The following LARGE1 variants were observed in gnomAD, a reference collection of about 807,000 sequenced individuals.
The protein encoded by LARGE1 is xylosyl- and glucuronyltransferase LARGE1.
In LARGE1, 43 loss-of-function variants were observed where a neutral mutation model predicts 87.6. That is an observed-to-expected ratio of 0.49 (90% CI 0.38 to 0.63). The LOEUF (loss-of-function observed/expected upper bound fraction) is 0.63, where lower values mean the gene tolerates loss of function less well. Among genes scored for constraint, LARGE1 ranks in the 30% least tolerant of loss-of-function variants. The pLI is 0.00. For missense variants in LARGE1, 802 were observed against 1,000.2 expected, an observed-to-expected ratio of 0.80 and a Z score of 2.67; for synonymous variants, 434 against 394.6, an observed-to-expected ratio of 1.10 and a Z score of -1.18.
intron 2 of LARGE1, among the ~76,000 whole-genome samples, chr22:33,730,194 G>A (rs2083415727): frequency 6.6e-6 from 1 of 152,000 alleles, no homozygotes; most frequent in Non-Finnish European, 1.5e-5. Context: ...CCTCTATGAT[G>A]ATCTGCTTCT....
chr22:33,643,800 T>C (rs969168032), intron 3 of LARGE1, among the ~76,000 whole-genome samples: 6 of 152,090 alleles, frequency 3.9e-5, no homozygotes, highest in Non-Finnish European at 7.4e-5. Flanking sequence ...ACAAATAAAC[T>C]AGGAAATCTA....
At chr22:33,906,268 T>C (rs991601707) in intron 1 of LARGE1, among the ~76,000 whole-genome samples, 1 of 152,168 alleles carries the variant, frequency 6.6e-6, no homozygotes, top group East Asian at 1.9e-4. Flanking sequence ...AGGGCACATA[T>C]GTGAGGCTGG....
In LARGE1 at chr22:33,432,304, A is replaced by G. The variant is rs781422465; in HGVS notation, c.788-39T>C. 23 of 1,492,770 alleles carry G rather than the reference A, an allele frequency of 1.5e-5. 1 individual carries two copies. Among genetic ancestry groups the G allele is most frequent in the Non-Finnish European group, 2.0e-5 (21 of 1,070,210 alleles). The allele number at this position is 1,492,770 out of a possible 1,614,324, so 92.5% of individuals were successfully genotyped here. ...AGAATACAAACATCTTAAAAGGAGA[A>G]GCCAAGCCATCTGGATCAGTGACTA... On this transcript the variant is annotated intron_variant, in intron 6 of 14. Transcript: ENST00000397394.
chr22:33,686,033 A>C (rs1045683446), intron 2 of LARGE1, among the ~76,000 whole-genome samples: 1 of 152,196 alleles, frequency 6.6e-6, no homozygotes, highest in South Asian at 2.1e-4. Context: ...TTATCGACTC[A>C]TCTATCTATA....
chr22:33,222,561 C>A (rs1925509778), intron 11 of LARGE1, among the ~76,000 whole-genome samples: 2 of 152,128 alleles, frequency 1.3e-5, no homozygotes. Context: ...AGCTCTCAGT[C>A]CAATAGCAAG....
At chr22:33,312,905 G>C (rs912032611) in intron 11 of LARGE1, among the ~76,000 whole-genome samples, 1 of 152,184 alleles carries the variant, frequency 6.6e-6, no homozygotes, top group Non-Finnish European at 1.5e-5. Flanking sequence ...GTGGTGAGGT[G>C]GCTTCCTGAT....
At chr22:33,894,972 A>G (rs1817471277) in intron 1 of LARGE1, among the ~76,000 whole-genome samples, 1 of 152,126 alleles carries the variant, frequency 6.6e-6, no homozygotes, top group African/African-American at 2.4e-5. Context: ...GGGATAACAA[A>G]TGGGGCAGAA....
At chr22:33,484,320 G>GA (rs1352783953) in intron 6 of LARGE1, among the ~76,000 whole-genome samples, 1 of 152,124 alleles carries the variant, frequency 6.6e-6, no homozygotes, top group Middle Eastern at 3.2e-3. Flanking sequence ...GATTATATAA[G>GA]AATCTTTCTT....
intron 5 of LARGE1, among the ~76,000 whole-genome samples, chr22:33,597,478 G>A (rs904234079): frequency 2.0e-5 from 3 of 152,074 alleles, no homozygotes; most frequent in Admixed American, 6.6e-5. Context: ...CCTAAAGGAC[G>A]GCAGGGGGCT....
At chr22:33,285,011 TA>T (rs1931249729) in intron 12 of LARGE1, among the ~76,000 whole-genome samples, 1 of 152,250 alleles carries the variant, frequency 6.6e-6, no homozygotes, top group African/African-American at 2.4e-5. Context: ...CAATAACATC[TA>T]CCTCCTGTGG....
intron 11 of LARGE1, among the ~76,000 whole-genome samples, chr22:33,188,739 C>A (rs1349434898): frequency 3.3e-5 from 5 of 152,120 alleles, no homozygotes; most frequent in Non-Finnish European, 5.9e-5. Context: ...TCATGGGAGT[C>A]CTATTGCCCA....
At chr22:33,225,023 A>G (rs151012789) in intron 11 of LARGE1, among the ~76,000 whole-genome samples, 1 of 152,180 alleles carries the variant, frequency 6.6e-6, no homozygotes, top group African/African-American at 2.4e-5. Context: ...GTAATTCTAT[A>G]CTCCACATTT....
At chr22:33,288,656 T>C (rs989186156) in intron 12 of LARGE1, among the ~76,000 whole-genome samples, 5 of 152,292 alleles carry the variant, frequency 3.3e-5, no homozygotes, top group Middle Eastern at 3.4e-3. Context: ...CAACAGAAAT[T>C]AATACCAGGT....
At chr22:33,072,272 A>AGAG in the LARGE1 span, among the ~76,000 whole-genome samples, 1 of 152,056 alleles carries the variant, frequency 6.6e-6, no homozygotes, top group African/African-American at 2.4e-5. Context: ...AAAAAGAAAA[A>AGAG]GAGGAGGAGG....
At chr22:33,576,990 A>T (rs733385) in intron 5 of LARGE1, among the ~76,000 whole-genome samples, 370 of 152,326 alleles carry the variant, frequency 2.4e-3, no homozygotes, top group African/African-American at 8.6e-3. Context: ...GAACCCACAG[A>T]TATAGATAGG....
chr22:33,240,359 T>C (rs1195675913), intron 11 of LARGE1, among the ~76,000 whole-genome samples: 3 of 152,256 alleles, frequency 2.0e-5, no homozygotes, highest in Admixed American at 1.3e-4. Context: ...GAAAGAATTA[T>C]ATTTATATGC....
At chr22:33,612,238 G>T (rs780434532) in intron 4 of LARGE1, among the ~76,000 whole-genome samples, 4 of 152,034 alleles carry the variant, frequency 2.6e-5, no homozygotes, top group Non-Finnish European at 4.4e-5. Context: ...CATGTAGCTG[G>T]GAATACAGAC....
intron 6 of LARGE1, among the ~76,000 whole-genome samples, chr22:33,533,184 C>T (rs1386237984): frequency 6.6e-6 from 1 of 152,160 alleles, no homozygotes; most frequent in Non-Finnish European, 1.5e-5. Flanking sequence ...CGGGAGCTAA[C>T]AGATGTTCAT....
intron 13 of LARGE1, among the ~76,000 whole-genome samples, chr22:33,279,231 A>C (rs1929969255): frequency 6.6e-6 from 1 of 152,194 alleles, no homozygotes; most frequent in African/African-American, 2.4e-5. Flanking sequence ...GACAGGGCCC[A>C]AGAGAAGAGT....
Sources: allele counts gnomAD v4.1 joint callset (sites outside exome capture counted in the v4.1 genomes callset), GRCh38; gene constraint gnomAD v4.1.1; transcripts MANE v1.5; gene names NCBI Gene and HGNC (gene_info 2026-07-23, HGNC 2026-07-21).